The following GPHN variants were observed in gnomAD, a reference collection of about 807,000 sequenced individuals.
The protein encoded by GPHN is gephyrin.
GPHN carries 17 observed loss-of-function variants against 95.5 expected under a neutral mutation model. That is an observed-to-expected ratio of 0.18 (90% CI 0.12 to 0.27). The LOEUF (loss-of-function observed/expected upper bound fraction) is 0.27. Ranked by LOEUF, GPHN falls within the 10% of genes least tolerant of loss-of-function variation. The pLI, the probability that GPHN is intolerant of heterozygous loss-of-function variation, is 1.00. For synonymous variants in GPHN, 320 were observed against 322.5 expected (o/e 0.99, Z 0.08); for missense variants, 660 against 978.1 (o/e 0.67, Z 4.34).
At chr14:67,378,939 CTA>C in the GPHN span, among the ~76,000 whole-genome samples, 17 of 152,154 alleles carry the variant, frequency 1.1e-4, no homozygotes, top group Middle Eastern at 3.2e-3. Context: ...ACATATGTGT[CTA>C]TTATCATTTT....
At chr14:67,129,562 A>C (rs1735168592) in intron 17 of GPHN, among the ~76,000 whole-genome samples, 1 of 152,182 alleles carries the variant, frequency 6.6e-6, no homozygotes, top group African/African-American at 2.4e-5. Context: ...AGACTTGAAA[A>C]TTTAGCCATA....
At chr14:66,779,879 G>A (rs1000123148) in intron 3 of GPHN, among the ~76,000 whole-genome samples, 4 of 152,018 alleles carry the variant, frequency 2.6e-5, no homozygotes, top group African/African-American at 9.7e-5. Flanking sequence ...AAGCCTTACT[G>A]TGGTGAATGA....
At chr14:67,704,804 A>G in the GPHN span, among the ~76,000 whole-genome samples, 1 of 152,246 alleles carries the variant, frequency 6.6e-6, no homozygotes, top group Non-Finnish European at 1.5e-5. Flanking sequence ...TCGTTCTGAG[A>G]CAGTCATTGT....
At chr14:66,590,440 TAAAC>T (rs1326868224) in intron 1 of GPHN, among the ~76,000 whole-genome samples, 3 of 151,776 alleles carry the variant, frequency 2.0e-5, no homozygotes, top group Non-Finnish European at 4.4e-5. Context: ...AGAGAAGAAT[TAAAC>T]AGACATTATA....
chr14:67,691,323 T>C, the GPHN span: 11 of 905,004 alleles, frequency 1.2e-5, no homozygotes, highest in Admixed American at 2.1e-4. Flanking sequence ...ACGCTCAGGC[T>C]TTGAAAATGA....
the GPHN span, among the ~76,000 whole-genome samples, chr14:67,539,990 C>T: frequency 6.6e-6 from 1 of 152,060 alleles, no homozygotes; most frequent in South Asian, 2.1e-4. Context: ...GGTGATTAGC[C>T]CATCAAAGAG....
intron 9 of GPHN, among the ~76,000 whole-genome samples, chr14:66,979,150 C>T (rs941274358): frequency 6.6e-6 from 1 of 152,202 alleles, no homozygotes; most frequent in Non-Finnish European, 1.5e-5. Context: ...CATAGTACTT[C>T]CAGAATGGTC....
the GPHN span, chr14:67,678,270 G>T: frequency 1.7e-6 from 2 of 1,152,092 alleles, no homozygotes; most frequent in Non-Finnish European, 1.3e-6. Context: ...TTGACAAGAA[G>T]TACTGTGTAG....
chr14:67,395,107 G>T, the GPHN span, among the ~76,000 whole-genome samples: 7 of 152,198 alleles, frequency 4.6e-5, no homozygotes, highest in African/African-American at 1.7e-4. Flanking sequence ...TGGGGGAGCT[G>T]TGACACAGCC....
chr14:67,575,320 C>T, the GPHN span: 6 of 894,426 alleles, frequency 6.7e-6, no homozygotes, highest in East Asian at 2.6e-5. Flanking sequence ...CCTGTGGCTT[C>T]TATTTGCCAG....
At chr14:67,226,842 T>C in the GPHN span, among the ~76,000 whole-genome samples, 14 of 152,300 alleles carry the variant, frequency 9.2e-5, no homozygotes, top group African/African-American at 3.1e-4. Context: ...TTAAGAATGC[T>C]CCTAATATTC....
the GPHN span, among the ~76,000 whole-genome samples, chr14:67,439,810 T>TTCTTCTCTTC: frequency 2.6e-5 from 4 of 151,984 alleles, no homozygotes; most frequent in Non-Finnish European, 5.9e-5. Context: ...AAAATGTCCT[T>TTCTTCTCTTC]TCTTCTCTTC....
chr14:67,534,521 G>A, the GPHN span, among the ~76,000 whole-genome samples: 8 of 152,082 alleles, frequency 5.3e-5, no homozygotes, highest in African/African-American at 9.7e-5. Flanking sequence ...AAATTGTTGT[G>A]ATATGCCCAT....
chr14:66,798,067 A>G (rs981947327), intron 3 of GPHN, among the ~76,000 whole-genome samples: 2 of 151,966 alleles, frequency 1.3e-5, no homozygotes, highest in African/African-American at 4.8e-5. Flanking sequence ...CTTTGTTAGC[A>G]TCAATTGAAA....
chr14:66,722,215 A>C (rs1460056644), intron 2 of GPHN, among the ~76,000 whole-genome samples: 1 of 152,124 alleles, frequency 6.6e-6, no homozygotes, highest in African/African-American at 2.4e-5. Flanking sequence ...AAAATAACTG[A>C]TAAAGGTAAC....
At chr14:67,331,409 A>G in the GPHN span, among the ~76,000 whole-genome samples, 1 of 151,992 alleles carries the variant, frequency 6.6e-6, no homozygotes, top group Non-Finnish European at 1.5e-5. Context: ...CAGATTTTCA[A>G]TTTTAACTCT....
chr14:66,534,231 AG>A (rs2059051146), intron 1 of GPHN, among the ~76,000 whole-genome samples: 1 of 152,184 alleles, frequency 6.6e-6, no homozygotes, highest in African/African-American at 2.4e-5. Flanking sequence ...ACTCAGATCA[AG>A]ATGTAGAACA....
intron 1 of GPHN, among the ~76,000 whole-genome samples, chr14:66,545,667 T>A (rs1475328305): frequency 8.4e-6 from 1 of 118,812 alleles, no homozygotes; most frequent in Non-Finnish European, 1.7e-5. Flanking sequence ...GGCTCCTCAC[T>A]TCCCAGTAGG....
At chr14:66,574,797 T>A (rs1380664045) in intron 1 of GPHN, among the ~76,000 whole-genome samples, 1 of 152,196 alleles carries the variant, frequency 6.6e-6, no homozygotes, top group Non-Finnish European at 1.5e-5. Flanking sequence ...CAAATTGGTC[T>A]CTGTCTCTGT....
Sources: gnomAD v4.1 joint callset for allele counts (sites outside exome capture counted in the v4.1 genomes callset) on GRCh38, gnomAD v4.1.1 for gene constraint, MANE v1.5 for transcripts, NCBI Gene and HGNC (gene_info 2026-07-23, HGNC 2026-07-21) for gene names.